The following CHKA variants were observed in gnomAD, a reference collection of about 807,000 sequenced individuals.
CHKA encodes the protein CHETK-alpha.
A neutral mutation model predicts 60.1 loss-of-function variants in CHKA; 34 were observed. The ratio of observed to expected loss-of-function variants is 0.57; its 90% CI spans 0.43 to 0.75. The LOEUF (loss-of-function observed/expected upper bound fraction) is 0.75, where lower values mean the gene tolerates loss of function less well. CHKA is among the 30% of genes least tolerant of loss of function. CHKA has a pLI of 0.00. For synonymous variants in CHKA, 217 were observed against 223.1 expected (o/e 0.97, Z 0.24); for missense variants, 563 against 561.3 (o/e 1.00, Z -0.03).
At chr11:68,080,255 C>G (rs1856937864) in intron 3 of CHKA, among the ~76,000 whole-genome samples, 1 of 152,180 alleles carries the variant, frequency 6.6e-6, no homozygotes, top group Non-Finnish European at 1.5e-5. Context: ...GAGCAAGACA[C>G]ATGTAAAACA....
chr11:68,106,933 T>A (rs887745380), intron 1 of CHKA, among the ~76,000 whole-genome samples: 7 of 152,118 alleles, frequency 4.6e-5, no homozygotes, highest in African/African-American at 1.7e-4. Context: ...AGATGCCAGC[T>A]GTACTACCAC....
In CHKA at chr11:68,097,010, C is replaced by CCACCTG; in HGVS notation, c.462+8_462+9insCAGGTG. On this transcript the variant is annotated intron_variant, in intron 2 of 11. Coordinates refer to ENST00000265689, the MANE Select transcript of CHKA (RefSeq NM_001277.3). ...GATCCCCCCCTCCCAAAGTAGCCTA[C>CCACCTG]CAACTCACCATCTGCAAAATCGCTC... 1 of 1,603,922 alleles carries CCACCTG rather than the reference C, an allele frequency of 6.2e-7. No homozygotes were observed. Among genetic ancestry groups the CCACCTG allele is most frequent in the Non-Finnish European group, 8.5e-7 (1 of 1,172,654 alleles).
intron 1 of CHKA, among the ~76,000 whole-genome samples, chr11:68,100,817 C>A (rs1306310547): frequency 1.3e-5 from 2 of 151,584 alleles, no homozygotes; most frequent in Non-Finnish European, 2.9e-5. Context: ...GCAGGAAGTA[C>A]CTGCTGGCAG....
chr11:68,060,370 C>T (rs1164289870), intron 11 of CHKA, among the ~76,000 whole-genome samples: 2 of 151,950 alleles, frequency 1.3e-5, no homozygotes, highest in South Asian at 2.1e-4. Flanking sequence ...AGTGCAATGG[C>T]GCCATCTCGG....
At chr11:68,092,191 TTC>T (rs1857371622) in intron 2 of CHKA, among the ~76,000 whole-genome samples, 1 of 152,364 alleles carries the variant, frequency 6.6e-6, no homozygotes, top group East Asian at 1.9e-4. Flanking sequence ...CTATATTTAA[TTC>T]TCTCTTTAAC....
intron 1 of CHKA, among the ~76,000 whole-genome samples, chr11:68,118,317 T>TAC (rs769034145): frequency 9.2e-5 from 14 of 152,144 alleles, no homozygotes; most frequent in Non-Finnish European, 1.9e-4. Flanking sequence ...GGTGCGTGCC[T>TAC]GTAGTCCCAG....
At chr11:68,103,070 AG>A (rs752161062) in intron 1 of CHKA, among the ~76,000 whole-genome samples, 3 of 152,230 alleles carry the variant, frequency 2.0e-5, no homozygotes, top group Non-Finnish European at 4.4e-5. Flanking sequence ...TAAGAGTTTG[AG>A]GCTGAAGTAA....
In CHKA at chr11:68,054,394, G is replaced by A. The variant is rs533414195; in HGVS notation, c.1315-347C>T. On this transcript the variant is annotated intron_variant, in intron 11 of 11. Coordinates refer to ENST00000265689, the MANE Select transcript of CHKA (RefSeq NM_001277.3). The stretch of plus-strand genomic sequence containing the variant: ...TGGGTGCTGTGGGCACTGACTGACC[G>A]ACATAACACACCTTTTAGAGCAAAA... Among the ~76,000 whole-genome samples the A allele has an allele frequency of 4.6e-5, 7 of 152,190 alleles. No individual in the cohort carries two copies. The South Asian group carries it at 1.0e-3, about 23-fold the overall frequency.
At chr11:68,082,568 A>T (rs1857020098) in intron 2 of CHKA, 2 of 152,666 alleles carry the variant, frequency 1.3e-5, no homozygotes, top group South Asian at 4.1e-4. Context: ...TGCCACGTTA[A>T]GCAACACCAG....
At chr11:68,076,868 CG>C (rs1565179400) in intron 3 of CHKA, among the ~76,000 whole-genome samples, 1 of 152,040 alleles carries the variant, frequency 6.6e-6, no homozygotes, top group Non-Finnish European at 1.5e-5. Context: ...CTTATTCTTA[CG>C]TAATACTGTA....
At chr11:68,080,054 A>G (rs1856928691) in intron 3 of CHKA, among the ~76,000 whole-genome samples, 1 of 152,242 alleles carries the variant, frequency 6.6e-6, no homozygotes, top group East Asian at 1.9e-4. Context: ...TGAGAACTGA[A>G]AAGTACTTTG....
At chr11:68,117,133 T>C (rs982363993) in intron 1 of CHKA, among the ~76,000 whole-genome samples, 1 of 152,008 alleles carries the variant, frequency 6.6e-6, no homozygotes, top group Non-Finnish European at 1.5e-5. Context: ...ATGTACAAAG[T>C]GCTAAGGATG....
chr11:68,120,126 G>A (rs924880837), intron 1 of CHKA, among the ~76,000 whole-genome samples: 3 of 151,814 alleles, frequency 2.0e-5, no homozygotes, highest in Non-Finnish European at 4.4e-5. Flanking sequence ...TACTCGGGAG[G>A]CTGAGGCAAG....
In CHKA at chr11:68,116,704, A is replaced by G. The variant is rs186129442; in HGVS notation, c.350+4124T>C. Among the ~76,000 whole-genome samples, 113 of 152,130 alleles carry G rather than the reference A, an allele frequency of 7.4e-4. 2 individuals are homozygous for G. The East Asian group carries it at 0.019, about 26-fold the overall frequency. On this transcript the variant is annotated intron_variant, in intron 1 of 11. Coordinates refer to ENST00000265689, the MANE Select transcript of CHKA (RefSeq NM_001277.3). ...TGTGCTCCCGCCTGGGCAACAGAGC[A>G]AGACTGTCTTAAAAAAAAAAAAAGA...
At chr11:68,119,892 T>C (rs1858547415) in intron 1 of CHKA, among the ~76,000 whole-genome samples, 1 of 152,130 alleles carries the variant, frequency 6.6e-6, no homozygotes, top group Non-Finnish European at 1.5e-5. Flanking sequence ...ACACGCGTAC[T>C]TCTGTAATTC....
At chr11:68,057,703 G>A (rs1454918589) in intron 11 of CHKA, among the ~76,000 whole-genome samples, 2 of 152,188 alleles carry the variant, frequency 1.3e-5, no homozygotes, top group Non-Finnish European at 2.9e-5. Flanking sequence ...TCTGTTTCAA[G>A]TTGACTGTTG....
At chr11:68,101,693 G>C (rs1435105966) in intron 1 of CHKA, among the ~76,000 whole-genome samples, 1 of 151,708 alleles carries the variant, frequency 6.6e-6, no homozygotes, top group Non-Finnish European at 1.5e-5. Context: ...ATTTAACCAA[G>C]GAGGTGAAAG....
rs1338588693 is a variant in CHKA, at chr11:68,120,989, CAGCGGCGGCGGAGGGGGCAGCGCG to C, written c.165_188del (p.Ala56_Leu63del). On this transcript the variant is annotated inframe_deletion, in exon 1 of 12. Coordinates refer to ENST00000265689, the MANE Select transcript of CHKA (RefSeq NM_001277.3). The stretch of plus-strand genomic sequence containing the variant: ...GCTGGGGCAGCGGCAGCGGCAGCGG[CAGCGGCGGCGGAGGGGGCAGCGCG>C]AGCGGCGGCTGTTGGCCGCCCAGCT... 2 of 1,119,458 alleles carry C rather than the reference CAGCGGCGGCGGAGGGGGCAGCGCG, an allele frequency of 1.8e-6. No individual in the cohort carries two copies. The highest frequency in any genetic ancestry group is 1.7e-5 in the African/African-American group (1 of 60,134). 69.3% of individuals were successfully genotyped at this position (1,119,458 alleles called of 1,614,324 possible).
intron 3 of CHKA, among the ~76,000 whole-genome samples, chr11:68,079,400 G>C (rs1422385535): frequency 6.6e-6 from 1 of 151,906 alleles, no homozygotes; most frequent in Admixed American, 6.6e-5. Flanking sequence ...CACGATCTCG[G>C]CTCACTGCAA....
Sources: allele counts gnomAD v4.1 joint callset (sites outside exome capture counted in the v4.1 genomes callset), GRCh38; gene constraint gnomAD v4.1.1; transcripts MANE v1.5; gene names NCBI Gene and HGNC (gene_info 2026-07-23, HGNC 2026-07-21).